Variants in CSMD1 observed in about 807,000 individuals in gnomAD.
The protein encoded by CSMD1 is CUB and Sushi multiple domains 1, also known as CUB and sushi domain-containing protein 1.
CSMD1 carries 213 observed loss-of-function variants against 417.5 expected under a neutral mutation model. The observed-to-expected ratio is 0.51, with a 90% CI of 0.46 to 0.57. CSMD1 has a LOEUF of 0.57. CSMD1 is among the 20% of genes least tolerant of loss of function. The pLI is 0.00. For missense variants in CSMD1, 6,923 were observed against 4,529.7 expected, an observed-to-expected ratio of 1.53 and a Z score of -15.17; for synonymous variants, 2,862 against 1,736.8, an observed-to-expected ratio of 1.65 and a Z score of -16.11.
intron 3 of CSMD1, among the ~76,000 whole-genome samples, chr8:4,222,563 T>A (rs1219204245): frequency 1.3e-5 from 2 of 152,202 alleles, no homozygotes; most frequent in Non-Finnish European, 2.9e-5. Flanking sequence ...AGAAAAAGGT[T>A]AAAGGCTATT....
intron 46 of CSMD1, among the ~76,000 whole-genome samples, chr8:3,103,997 C>A (rs1815946532): frequency 6.6e-6 from 1 of 152,104 alleles, no homozygotes; most frequent in African/African-American, 2.4e-5. Flanking sequence ...CCCACCTCGG[C>A]CTCCCAAAGT....
At position 3,832,505 on chromosome 8, in the gene CSMD1, A is replaced by G. The variant is rs76864265; in HGVS notation, c.819-78463T>C. Among the ~76,000 whole-genome samples, 1,091 of 152,278 alleles carry G rather than the reference A, an allele frequency of 7.2e-3. 13 individuals are homozygous for G. Among genetic ancestry groups the G allele is most frequent in the African/African-American group, 0.025 (1,037 of 41,560 alleles). On this transcript the variant is annotated intron_variant, in intron 5 of 69. Transcript: ENST00000635120. ...ATGTGTATCCACATTTATCTGTTGC[A>G]TAGCATCACTTATTTTAAACTATTT...
chr8:3,911,113 T>C (rs1414840661), intron 5 of CSMD1, among the ~76,000 whole-genome samples: 1 of 152,180 alleles, frequency 6.6e-6, no homozygotes, highest in Non-Finnish European at 1.5e-5. Context: ...TGTGGTTTAC[T>C]GGACAGGTTG....
intron 12 of CSMD1, among the ~76,000 whole-genome samples, chr8:3,464,694 T>C (rs927296763): frequency 6.6e-6 from 1 of 151,702 alleles, no homozygotes; most frequent in Non-Finnish European, 1.5e-5. Flanking sequence ...TTTAAAAATA[T>C]ATACTAGTCA....
At chr8:4,518,506 T>C (rs967143561) in intron 2 of CSMD1, among the ~76,000 whole-genome samples, 3 of 151,304 alleles carry the variant, frequency 2.0e-5, no homozygotes, top group African/African-American at 7.3e-5. Context: ...CTCAGAAAAC[T>C]ATCGCAAGGA....
intron 2 of CSMD1, among the ~76,000 whole-genome samples, chr8:4,595,711 A>C (rs1046512429): frequency 1.3e-5 from 2 of 152,142 alleles, no homozygotes; most frequent in Non-Finnish European, 2.9e-5. Flanking sequence ...AGGCCAGCCT[A>C]GGCAACATAG....
intron 3 of CSMD1, among the ~76,000 whole-genome samples, chr8:4,229,039 C>T (rs78079738): frequency 0.013 from 1,990 of 152,312 alleles, 24 homozygotes; most frequent in Non-Finnish European, 0.02. Flanking sequence ...ACTGTCTTCT[C>T]AACCACCTGG....
intron 10 of CSMD1, among the ~76,000 whole-genome samples, chr8:3,571,606 G>C (rs1367228235): frequency 6.6e-6 from 1 of 152,046 alleles, no homozygotes; most frequent in Non-Finnish European, 1.5e-5. Context: ...GGCAGCTGCA[G>C]GGGGAAGCCT....
rs530978912 is a variant in CSMD1, at chr8:4,602,511, A to C, written c.302+34831T>G. Among the ~76,000 whole-genome samples, 6 of 152,342 alleles carry C rather than the reference A, an allele frequency of 3.9e-5. No homozygotes were observed. In the East Asian group the frequency reaches 9.6e-4, roughly 24 times the overall value. On this transcript the variant is annotated intron_variant, in intron 2 of 69. Transcript: ENST00000635120. ...GCACATCTCAGGTACGCATACAATA[A>C]AACCGTAAATATATTAGGAACATAT...
At chr8:4,355,734 A>G (rs1366148621) in intron 3 of CSMD1, among the ~76,000 whole-genome samples, 1 of 152,158 alleles carries the variant, frequency 6.6e-6, no homozygotes, top group Non-Finnish European at 1.5e-5. Context: ...ATCTTTATTC[A>G]TTTTCCCCCT....
At chr8:3,252,842 A>G (rs1438885645) in intron 26 of CSMD1, among the ~76,000 whole-genome samples, 1 of 152,014 alleles carries the variant, frequency 6.6e-6, no homozygotes, top group African/African-American at 2.4e-5. Context: ...TTTCTAGTTT[A>G]TTTGCATAGA....
intron 7 of CSMD1, among the ~76,000 whole-genome samples, chr8:3,697,575 T>C (rs904164849): frequency 6.6e-6 from 1 of 152,220 alleles, no homozygotes; most frequent in Non-Finnish European, 1.5e-5. Context: ...TCATGTAAGA[T>C]GATTTTATTA....
intron 26 of CSMD1, among the ~76,000 whole-genome samples, chr8:3,275,989 G>T (rs4875469): frequency 0.27 from 40,847 of 152,114 alleles, 5,697 homozygotes; most frequent in Non-Finnish European, 0.31. Flanking sequence ...TGTTCCTTTG[G>T]AGGAGGAGAG....
At chr8:3,065,564 T>C (rs1407171114) in intron 49 of CSMD1, among the ~76,000 whole-genome samples, 1 of 151,704 alleles carries the variant, frequency 6.6e-6, no homozygotes, top group African/African-American at 2.4e-5. Context: ...AGGAAAATGA[T>C]AGATGATAGA....
rs552266811 is a variant in CSMD1, at chr8:3,220,927, T to C, written c.4485-1485A>G. The stretch of plus-strand genomic sequence containing the variant: ...TTCTCTATAGCAGGTTTTTCATATG[T>C]GTCTTTAAAAAGCACTCAATTTACA... On this transcript the variant is annotated intron_variant, in intron 28 of 69. Transcript: ENST00000635120. 2.0e-5 allele frequency among the ~76,000 whole-genome samples: 3 copies of C among 152,336 alleles called. No individual in the cohort carries two copies. The South Asian group carries it at 6.2e-4, about 32-fold the overall frequency.
rs954267488 is a variant in CSMD1 at position 4,893,620 on chromosome 8, T to A, written c.85+100712A>T. Reference sequence around the variant, plus strand: ...AAATTACATTTTCTGCAATAAGATATGCTAATTTGCCAATACATTTTATGA... The same window carrying A: ...AAATTACATTTTCTGCAATAAGATAAGCTAATTTGCCAATACATTTTATGA... On this transcript the variant is annotated intron_variant, in intron 1 of 69. Transcript: ENST00000635120. Among the ~76,000 whole-genome samples, 5 of 152,300 alleles carry A rather than the reference T, an allele frequency of 3.3e-5. No individual in the cohort carries two copies. The South Asian group carries it at 6.2e-4, about 19-fold the overall frequency.
intron 3 of CSMD1, among the ~76,000 whole-genome samples, chr8:4,192,863 C>G (rs768129327): frequency 6.6e-6 from 1 of 152,176 alleles, no homozygotes; most frequent in Non-Finnish European, 1.5e-5. Flanking sequence ...TTCCTGTATT[C>G]TGTCCTTCTA....
chr8:4,065,215 T>G (rs1299209727), intron 3 of CSMD1, among the ~76,000 whole-genome samples: 1 of 152,120 alleles, frequency 6.6e-6, no homozygotes, highest in East Asian at 1.9e-4. Context: ...TGAAAGAAAA[T>G]AGTCCTAAAC....
chr8:4,172,732 G>A (rs1584954994), intron 3 of CSMD1, among the ~76,000 whole-genome samples: 2 of 152,238 alleles, frequency 1.3e-5, no homozygotes, highest in Admixed American at 6.5e-5. Flanking sequence ...TTGACATTAG[G>A]TTGTAAAAAG....
Sources: allele counts gnomAD v4.1 joint callset (sites outside exome capture counted in the v4.1 genomes callset), GRCh38; gene constraint gnomAD v4.1.1; transcripts MANE v1.5; gene names NCBI Gene and HGNC (gene_info 2026-07-23, HGNC 2026-07-21).